The following CSMD1 variants were observed in gnomAD, a reference collection of about 807,000 sequenced individuals.
CSMD1 encodes the protein CUB and sushi domain-containing protein 1.
A neutral mutation model predicts 417.5 loss-of-function variants in CSMD1; 213 were observed. The ratio of observed to expected loss-of-function variants is 0.51; its 90% confidence interval spans 0.46 to 0.57. CSMD1 has a LOEUF of 0.57. Among genes scored for constraint, CSMD1 ranks in the 20% least tolerant of loss-of-function variants. The pLI is 0.00. For missense variants in CSMD1, 6,923 were observed against 4,529.7 expected, an observed-to-expected ratio of 1.53 and a Z score of -15.17; for synonymous variants, 2,862 against 1,736.8, an observed-to-expected ratio of 1.65 and a Z score of -16.11.
At chr8:3,932,631 T>A (rs1392253028) in intron 5 of CSMD1, among the ~76,000 whole-genome samples, 1 of 150,558 alleles carries the variant, frequency 6.6e-6, no homozygotes, top group Non-Finnish European at 1.5e-5. Context: ...ACATTTATAT[T>A]GACATTTTGC....
intron 2 of CSMD1, among the ~76,000 whole-genome samples, chr8:4,546,897 G>A (rs1003687121): frequency 3.3e-5 from 5 of 151,916 alleles, no homozygotes; most frequent in African/African-American, 9.7e-5. Context: ...TCTCTCTGGA[G>A]ATCCCTAACA....
intron 7 of CSMD1, among the ~76,000 whole-genome samples, chr8:3,641,615 A>G (rs1797311782): frequency 6.6e-6 from 1 of 152,178 alleles, no homozygotes; most frequent in South Asian, 2.1e-4. Context: ...AGGTTATCAC[A>G]AGATTTCTGA....
At chr8:4,504,972 A>C (rs1802446127) in intron 2 of CSMD1, among the ~76,000 whole-genome samples, 1 of 152,188 alleles carries the variant, frequency 6.6e-6, no homozygotes, top group African/African-American at 2.4e-5. Flanking sequence ...CAGGAGAATG[A>C]TTTATAATCC....
chr8:3,808,156 T>G (rs948266643), intron 5 of CSMD1, among the ~76,000 whole-genome samples: 1 of 152,158 alleles, frequency 6.6e-6, no homozygotes, highest in Non-Finnish European at 1.5e-5. Context: ...ATAATCTCTA[T>G]GAAATTAAAA....
chr8:3,055,342 G>A (rs760110392), intron 49 of CSMD1, among the ~76,000 whole-genome samples: 2 of 152,126 alleles, frequency 1.3e-5, no homozygotes, highest in Non-Finnish European at 2.9e-5. Context: ...TTATGGTTTT[G>A]AACCACAGTG....
chr8:4,666,587 A>G (rs1804952556), intron 1 of CSMD1, among the ~76,000 whole-genome samples: 2 of 152,226 alleles, frequency 1.3e-5, no homozygotes, highest in Admixed American at 1.3e-4. Flanking sequence ...AAAATAACAA[A>G]TTTATGCTGT....
At chr8:3,439,299 ATATATATATATTTT>A (rs1563390446) in intron 12 of CSMD1, among the ~76,000 whole-genome samples, 1 of 45,206 alleles carries the variant, frequency 2.2e-5, no homozygotes, top group African/African-American at 1.5e-4. Flanking sequence ...ATATATATAT[ATATATATATATTTT>A]TTTTTTTAAT....
chr8:4,420,947 G>A (rs931918825), intron 2 of CSMD1, among the ~76,000 whole-genome samples: 1 of 152,106 alleles, frequency 6.6e-6, no homozygotes, highest in African/African-American at 2.4e-5. Flanking sequence ...TTTCTTATCT[G>A]GTACAATTCA....
chr8:3,828,810 G>A (rs1050121906), intron 5 of CSMD1, among the ~76,000 whole-genome samples: 1 of 152,128 alleles, frequency 6.6e-6, no homozygotes, highest in South Asian at 2.1e-4. Flanking sequence ...TCAAGTTACA[G>A]CCTCATGCCT....
chr8:3,724,354 G>C (rs530054764), intron 6 of CSMD1, among the ~76,000 whole-genome samples: 1 of 151,732 alleles, frequency 6.6e-6, no homozygotes, highest in Non-Finnish European at 1.5e-5. Context: ...GTTTTTGTTT[G>C]GTCAAATATA....
At chr8:3,462,974 T>G (rs1474812060) in intron 12 of CSMD1, among the ~76,000 whole-genome samples, 1 of 152,210 alleles carries the variant, frequency 6.6e-6, no homozygotes, top group African/African-American at 2.4e-5. Context: ...TCCAGGCTTG[T>G]GGCCTTGCGC....
chr8:4,425,084 A>G (rs143514764), intron 2 of CSMD1, among the ~76,000 whole-genome samples: 1 of 152,212 alleles, frequency 6.6e-6, no homozygotes, highest in African/African-American at 2.4e-5. Context: ...GAAGTTTTAC[A>G]TATATATTCG....
chr8:3,376,407 GC>G (rs2116746854), intron 18 of CSMD1, among the ~76,000 whole-genome samples: 1 of 151,902 alleles, frequency 6.6e-6, no homozygotes, highest in East Asian at 1.9e-4. Flanking sequence ...TGTTTTTAAA[GC>G]TTTCTATTAA....
chr8:4,731,248 C>T (rs1320394231), intron 1 of CSMD1, among the ~76,000 whole-genome samples: 3 of 152,128 alleles, frequency 2.0e-5, no homozygotes, highest in South Asian at 4.1e-4. Flanking sequence ...ACAAGATGCC[C>T]ACCTCAACCT....
chr8:3,628,589 G>T (rs923729721), intron 7 of CSMD1, among the ~76,000 whole-genome samples: 2 of 152,204 alleles, frequency 1.3e-5, no homozygotes, highest in African/African-American at 4.8e-5. Context: ...GGGCATCATG[G>T]CAAGTGCAGG....
intron 1 of CSMD1, among the ~76,000 whole-genome samples, chr8:4,649,364 C>T (rs977738325): frequency 2.0e-5 from 3 of 152,086 alleles, no homozygotes; most frequent in Non-Finnish European, 2.9e-5. Context: ...AAATAGTTTC[C>T]ATATTTTAAT....
chr8:3,325,210 G>T (rs156070), intron 23 of CSMD1, among the ~76,000 whole-genome samples: 150,211 of 152,334 alleles, frequency 0.99, 74,087 homozygotes, highest in Middle Eastern at 1. Context: ...CAGGTCTCCA[G>T]GCTGTTTAAC....
At chr8:4,332,190 G>A (rs76602787) in intron 3 of CSMD1, among the ~76,000 whole-genome samples, 7,480 of 152,110 alleles carry the variant, frequency 0.049, 616 homozygotes, top group African/African-American at 0.17. Context: ...CAGAAATAAT[G>A]AGGTTTGTGA....
intron 10 of CSMD1, among the ~76,000 whole-genome samples, chr8:3,543,269 T>G (rs921759130): frequency 3.9e-5 from 6 of 152,210 alleles, no homozygotes; most frequent in Non-Finnish European, 8.8e-5. Context: ...AGGCATGTTT[T>G]ACAGAGGACA....
Sources: allele counts gnomAD v4.1 joint callset (sites outside exome capture counted in the v4.1 genomes callset), GRCh38; gene constraint gnomAD v4.1.1; transcripts MANE v1.5; gene names NCBI Gene and HGNC (gene_info 2026-07-23, HGNC 2026-07-21).